The following RIMS2 variants were observed in gnomAD, a reference collection of about 807,000 sequenced individuals.
RIMS2 encodes regulating synaptic membrane exocytosis protein 2.
Under a neutral mutation model 174.4 loss-of-function variants are expected in RIMS2, and 59 were observed. That is an observed-to-expected ratio of 0.34 (90% CI 0.27 to 0.42). The LOEUF is 0.42. RIMS2 is among the 10% of genes least tolerant of loss of function. The probability of loss-of-function intolerance (pLI) is 1.00; values close to 1 mark genes in which losing one functional copy is unlikely to be tolerated. For missense variants in RIMS2, 1,620 were observed against 1,666.3 expected (o/e 0.97, Z 0.48); for synonymous variants, 606 against 572.5 (o/e 1.06, Z -0.84).
intron 19 of RIMS2, among the ~76,000 whole-genome samples, chr8:104,107,958 C>A (rs2098105662): frequency 7.7e-6 from 1 of 130,004 alleles, no homozygotes. Flanking sequence ...TCCAGGTGGT[C>A]TTTCCCCTGC....
chr8:103,910,640 T>A, intron 5 of RIMS2, 111 bp downstream of exon 8: 1 of 615,140 alleles, frequency 1.6e-6, no homozygotes, highest in Non-Finnish European at 2.8e-6. Flanking sequence ...CAAGGGTCAC[T>A]GTAGCATTTC....
chr8:103,519,498 A>G (rs1171008791), intron 1 of RIMS2, among the ~76,000 whole-genome samples: 1 of 151,970 alleles, frequency 6.6e-6, no homozygotes, highest in Non-Finnish European at 1.5e-5. Flanking sequence ...TCCAGTTCAC[A>G]TTTCTCAGCT....
At chr8:103,833,751 G>A (rs961189541) in intron 3 of RIMS2, among the ~76,000 whole-genome samples, 3 of 151,684 alleles carry the variant, frequency 2.0e-5, no homozygotes, top group African/African-American at 4.8e-5. Flanking sequence ...TACTCATTTT[G>A]AGAATCTTAC....
At chr8:103,787,810 G>T (rs1219737971) in intron 3 of RIMS2, among the ~76,000 whole-genome samples, 2 of 151,288 alleles carry the variant, frequency 1.3e-5, no homozygotes, top group Non-Finnish European at 1.5e-5. Context: ...GAATCTGAAC[G>T]TTGGCCTGCC....
intron 1 of RIMS2, among the ~76,000 whole-genome samples, chr8:103,694,106 C>G (rs1399811734): frequency 6.6e-6 from 1 of 152,166 alleles, no homozygotes; most frequent in Admixed American, 6.5e-5. Flanking sequence ...CACTATTGAT[C>G]TGTTGGTCTG....
intron 19 of RIMS2, among the ~76,000 whole-genome samples, chr8:104,126,699 T>A (rs1341107336): frequency 6.6e-6 from 1 of 152,234 alleles, no homozygotes; most frequent in Non-Finnish European, 1.5e-5. Flanking sequence ...AAGCTTTCAA[T>A]ACATGTTAGG....
chr8:103,660,583 G>A (rs912135152), intron 1 of RIMS2, among the ~76,000 whole-genome samples: 1 of 147,264 alleles, frequency 6.8e-6, no homozygotes, highest in Non-Finnish European at 1.5e-5. Context: ...ATGCTGCTTC[G>A]TGGATAAAAA....
At chr8:103,667,490 G>A (rs2096685913) in intron 1 of RIMS2, among the ~76,000 whole-genome samples, 1 of 152,146 alleles carries the variant, frequency 6.6e-6, no homozygotes, top group Non-Finnish European at 1.5e-5. Flanking sequence ...AAGAGGAGTG[G>A]ACCACTGTTC....
At chr8:104,199,871 A>G (rs1226366538) in intron 19 of RIMS2, among the ~76,000 whole-genome samples, 1 of 152,194 alleles carries the variant, frequency 6.6e-6, no homozygotes. Flanking sequence ...CTTCCTGAGG[A>G]CCATGACTTG....
At chr8:103,940,508 T>C (rs533417657) in intron 13 of RIMS2, among the ~76,000 whole-genome samples, 4 of 152,256 alleles carry the variant, frequency 2.6e-5, no homozygotes, top group African/African-American at 9.6e-5. Flanking sequence ...GTTTTTTTTT[T>C]CTGAGTAAAT....
At chr8:103,696,670 C>T (rs916260774) in intron 1 of RIMS2, among the ~76,000 whole-genome samples, 6 of 151,608 alleles carry the variant, frequency 4.0e-5, no homozygotes, top group African/African-American at 1.2e-4. Context: ...AGTTCGAGAC[C>T]GGCCTGGCCA....
At chr8:104,048,837 T>A (rs2096737668) in intron 19 of RIMS2, among the ~76,000 whole-genome samples, 1 of 151,932 alleles carries the variant, frequency 6.6e-6, no homozygotes, top group South Asian at 2.1e-4. Flanking sequence ...TATTAATTAT[T>A]ACACAACTCA....
At chr8:103,942,824 A>G (rs762656915) in exon 14 of RIMS2, 5 of 1,613,076 alleles carry the variant, frequency 3.1e-6, no homozygotes, top group Non-Finnish European at 4.2e-6. Context: ...ACATTGGTAC[A>G]AACTTCAGAC....
chr8:104,122,367 G>A (rs1030491988), intron 19 of RIMS2, among the ~76,000 whole-genome samples: 1 of 152,122 alleles, frequency 6.6e-6, no homozygotes, highest in Non-Finnish European at 1.5e-5. Flanking sequence ...TTTACCTGGA[G>A]CATGCAGAGT....
intron 1 of RIMS2, among the ~76,000 whole-genome samples, chr8:103,595,337 C>T (rs545763494): frequency 3.3e-5 from 5 of 151,878 alleles, no homozygotes; most frequent in African/African-American, 9.6e-5. Flanking sequence ...GTAAAAGGTA[C>T]AATTTCTCAT....
At chr8:103,823,866 G>A (rs1039313604) in intron 3 of RIMS2, among the ~76,000 whole-genome samples, 2 of 151,976 alleles carry the variant, frequency 1.3e-5, no homozygotes, top group Non-Finnish European at 2.9e-5. Flanking sequence ...TGAAAAGTCT[G>A]TGTTATGAGG....
At chr8:103,662,832 A>G (rs1472258099) in intron 1 of RIMS2, among the ~76,000 whole-genome samples, 3 of 152,192 alleles carry the variant, frequency 2.0e-5, no homozygotes, top group African/African-American at 7.2e-5. Context: ...TGAACAGAAT[A>G]ATAATGTCAG....
intron 1 of RIMS2, among the ~76,000 whole-genome samples, chr8:103,612,407 G>A (rs2095400985): frequency 6.6e-6 from 1 of 152,088 alleles, no homozygotes; most frequent in Admixed American, 6.6e-5. Flanking sequence ...TCACAGTCTG[G>A]GCTTGTTTCT....
At chr8:103,856,685 A>C (rs1412972539) in intron 3 of RIMS2, among the ~76,000 whole-genome samples, 1 of 152,246 alleles carries the variant, frequency 6.6e-6, no homozygotes, top group South Asian at 2.1e-4. Context: ...ACTTATGGTA[A>C]ATATGGCATA....
Sources: gnomAD v4.1 joint callset for allele counts (sites outside exome capture counted in the v4.1 genomes callset) on GRCh38, gnomAD v4.1.1 for gene constraint, MANE v1.5 for transcripts, NCBI Gene and HGNC (gene_info 2026-07-23, HGNC 2026-07-21) for gene names.